SIGLEC1: variants seen among roughly 807,000 people sequenced by gnomAD.
SIGLEC1 encodes sialoadhesin.
In SIGLEC1, 132 loss-of-function variants were observed where a neutral mutation model predicts 148.0. That is an observed-to-expected ratio of 0.89 (90% CI 0.77 to 1.03). The LOEUF is 1.03. Ranked by LOEUF, SIGLEC1 falls within the 50% of genes least tolerant of loss-of-function variation. The probability of loss-of-function intolerance (pLI) is 0.00; values close to 1 mark genes in which losing one functional copy is unlikely to be tolerated. For missense variants in SIGLEC1, 2,253 were observed against 2,271.4 expected (o/e 0.99, Z 0.16); for synonymous variants, 945 against 969.0 (o/e 0.98, Z 0.46).
chr20:3,700,537 A>G (rs2146527315), intron 7 of SIGLEC1, among the ~76,000 whole-genome samples: 1 of 151,984 alleles, frequency 6.6e-6, no homozygotes, highest in East Asian at 1.9e-4. Context: ...TGAGCCATGA[A>G]CATACCATTG....
chr20:3,699,646 G>C (rs1264482931), intron 7 of SIGLEC1, among the ~76,000 whole-genome samples, 187 bp from the exon 8 acceptor site: 1 of 152,176 alleles, frequency 6.6e-6, no homozygotes, highest in Non-Finnish European at 1.5e-5. Flanking sequence ...GCTGCAGCAT[G>C]GTTGAAGATT....
intron 11 of SIGLEC1, among the ~76,000 whole-genome samples, chr20:3,696,106 G>T (rs1199398566): frequency 7.1e-6 from 1 of 140,760 alleles, no homozygotes; most frequent in African/African-American, 2.8e-5. Flanking sequence ...CCTGAGGGAG[G>T]ATTTTTATAG....
rs375168366 is a variant in SIGLEC1, at chr20:3,703,335, G to C, written c.1090C>G (p.His364Asp). The part of the protein sequence containing the change: ...SDLRYSWYKN[H>D]VLLEDAHSHT... ...GAGTGGGCATCCTCCAGCAGGACAT[G>C]GTTCTTGTACCAGCTGTAGCGGAGA... Residue 364 changes from histidine to aspartate, a missense_variant, in exon 6 of 22, where the codon CAT (histidine) becomes GAT (aspartate). Transcript: ENST00000344754. 2 of 1,614,036 alleles carry C rather than the reference G, an allele frequency of 1.2e-6. No homozygotes were observed. The highest frequency in any genetic ancestry group is 2.7e-5 in the African/African-American group (2 of 74,938).
intron 1 of SIGLEC1, among the ~76,000 whole-genome samples, chr20:3,708,457 G>T (rs1016110524): frequency 1.1e-4 from 17 of 152,136 alleles, no homozygotes; most frequent in Admixed American, 9.2e-4. Flanking sequence ...AAATAGGTAA[G>T]TTGGACTTCA....
intron 4 of SIGLEC1, 49 bp downstream of exon 4, chr20:3,705,695 G>T: frequency 6.5e-7 from 1 of 1,544,456 alleles, no homozygotes; most frequent in Non-Finnish European, 8.8e-7. Context: ...GTTTCTGTCA[G>T]GAGCAACAGA....
At chr20:3,689,488 G>T in intron 20 of SIGLEC1, 112 bp downstream of exon 20, 1 of 727,230 alleles carries the variant, frequency 1.4e-6, no homozygotes, top group Non-Finnish European at 2.3e-6. Context: ...CTGGGAAGTA[G>T]GCAGCCTGTG....
At chr20:3,692,327 T>A in intron 16 of SIGLEC1, 125 bp from the exon 17 acceptor site, 1 of 1,186,046 alleles carries the variant, frequency 8.4e-7, no homozygotes, top group Non-Finnish European at 1.2e-6. Flanking sequence ...AAGTGACACC[T>A]TCCCAGGAGT....
chr20:3,688,831 G>A (rs995832471), intron 21 of SIGLEC1: 3 of 596,874 alleles, frequency 5.0e-6, no homozygotes, highest in African/African-American at 1.9e-5. Context: ...CCAGGTGACG[G>A]GCAGGCTTGG....
At position 3,694,874 on chromosome 20, in the gene SIGLEC1, A is replaced by G; in HGVS notation, c.2733T>C (p.Ala911=). 6.2e-7 allele frequency: 1 copy of G among 1,613,224 alleles called. No individual in the cohort carries two copies. The change falls in exon 12 of 22, where the codon GCT becomes GCC. Residue 911 remains alanine, a synonymous_variant. Transcript: ENST00000344754. The stretch of plus-strand genomic sequence containing the variant: ...TGTGTACCTGGCAGCTCAGGACCAC[A>G]GCCTGGCCCTCTTGGAGCTCAGGTG... ...SPSPELQEGQ[A]VVLSCQVHTG...
At chr20:3,712,344 C>T (rs1251902053) in intron 1 of SIGLEC1, among the ~76,000 whole-genome samples, 126 bp downstream of exon 1, 4 of 149,122 alleles carry the variant, frequency 2.7e-5, no homozygotes, top group Non-Finnish European at 4.5e-5. Flanking sequence ...GTTTGGGGTC[C>T]ACCACTCGCA....
rs764428898 is a variant in SIGLEC1, at chr20:3,696,674, T to TTC, written c.2593_2594dup (p.Leu866AsnfsTer50). 1 of 1,613,810 alleles carries TTC rather than the reference T, an allele frequency of 6.2e-7. No individual in the cohort carries two copies. Among genetic ancestry groups the TTC allele is most frequent in the Admixed American group, 1.7e-5 (1 of 60,022 alleles). On this transcript the variant is annotated frameshift_variant, in exon 11 of 22. Transcript: ENST00000344754. LOFTEE classifies it high-confidence loss of function. ...AGCTGCCAGAGTCCCCAAGGCCCAG[T>TTC]TCTCGGACCTCTAACTTCAGGGAGT...
intron 1 of SIGLEC1, among the ~76,000 whole-genome samples, chr20:3,707,882 T>C (rs1389994259): frequency 1.3e-5 from 2 of 152,226 alleles, no homozygotes; most frequent in African/African-American, 4.8e-5. Flanking sequence ...GCTGAAACCT[T>C]ATTCAACCTT....
Position 3,697,303 on chromosome 20 carries a change from T to C in SIGLEC1, c.2162A>G (p.Glu721Gly). ...GCAAGTCAAGTTGGCTTCTGTGCCC[T>C]CCTGAAGTGTGTGTGATGGTGCAAT... The part of the protein sequence containing the change: ...LAIAPSHTLQ[E>G]GTEANLTCNV... The change falls in exon 10 of 22, where the codon GAG (glutamate) becomes GGG (glycine). Residue 721 changes from glutamate (E) to glycine (G), a missense_variant. Transcript: ENST00000344754. 6.2e-7 allele frequency: 1 copy of C among 1,613,840 alleles called. No individual in the cohort carries two copies. Among genetic ancestry groups the C allele is most frequent in the Non-Finnish European group, 8.5e-7 (1 of 1,179,998 alleles).
intron 4 of SIGLEC1, among the ~76,000 whole-genome samples, chr20:3,705,111 C>T (rs775750796): frequency 6.6e-6 from 1 of 152,206 alleles, no homozygotes; most frequent in African/African-American, 2.4e-5. Context: ...ATCCTAGTGC[C>T]TCAGCCTCCT....
At chr20:3,708,173 G>C (rs1289233255) in intron 1 of SIGLEC1, among the ~76,000 whole-genome samples, 1 of 152,170 alleles carries the variant, frequency 6.6e-6, no homozygotes, top group Non-Finnish European at 1.5e-5. Context: ...AGGTTTGAAA[G>C]GTAGCATGAG....
intron 6 of SIGLEC1, among the ~76,000 whole-genome samples, chr20:3,702,220 G>GA (rs1019906758): frequency 5.3e-5 from 8 of 151,872 alleles, no homozygotes; most frequent in African/African-American, 1.7e-4. Flanking sequence ...TTCTGGACCA[G>GA]AAAAAAAATG....
chr20:3,704,106 A>T lies in SIGLEC1; in HGVS notation c.707-15T>A. 1 of 1,608,086 alleles carries T rather than the reference A, an allele frequency of 6.2e-7. No homozygotes were observed. The highest frequency in any genetic ancestry group is 8.5e-7 in the Non-Finnish European group (1 of 1,177,046). ...CTTGGGGGCATCTGCAAGTCACAGT[A>T]GGGGGTATTGGGTAAGGTGCTTGGG... is the stretch of plus-strand genomic sequence containing the variant. On this transcript the variant is annotated splice_polypyrimidine_tract_variant and intron_variant, in intron 4 of 21. Coordinates refer to ENST00000344754, the MANE Select transcript of SIGLEC1 (RefSeq NM_023068.4).
At position 3,690,155 on chromosome 20, in the gene SIGLEC1, G is replaced by A. The variant is rs774462485; in HGVS notation, c.4701C>T (p.His1567=). 6.3e-7 allele frequency: 1 copy of A among 1,599,884 alleles called. No homozygotes were observed. The highest frequency in any genetic ancestry group is 1.1e-5 in the South Asian group (1 of 88,596). The part of the protein sequence containing the change: ...DSEPLASLTL[H]LGSRLVASSQ... ...TGGAGGCCACCAGTCGACTGCCAAG[G>A]TGGAGAGTCAGGCTGGCGAGCGGCT... Residue 1567 remains histidine (H), a synonymous_variant, in exon 19 of 22, where the codon CAC becomes CAT. Coordinates refer to ENST00000344754, the MANE Select transcript of SIGLEC1 (RefSeq NM_023068.4).
chr20:3,694,800 G>A lies in SIGLEC1; in HGVS notation c.2807C>T (p.Pro936Leu), dbSNP rs755136037. 6.2e-7 allele frequency: 1 copy of A among 1,613,640 alleles called. No individual in the cohort carries two copies. The highest frequency in any genetic ancestry group is 1.1e-5 in the South Asian group (1 of 91,088). ...CGTGGCCGAGGTCGACTCCTGGAGGGGCTGGCCATCCCGATACCAACGATA... is the reference window on the plus strand; with the variant it reads ...CGTGGCCGAGGTCGACTCCTGGAGGAGCTGGCCATCCCGATACCAACGATA... ...TSYRWYRDGQ[P>L]LQESTSATLR... Residue 936 changes from proline to leucine, a missense_variant, in exon 12 of 22, where the codon CCC becomes CTC. Physicochemically the swap from Pro to Leu is moderately conservative, Grantham distance 98. Coordinates refer to ENST00000344754, the MANE Select transcript of SIGLEC1 (RefSeq NM_023068.4).
Sources: allele counts gnomAD v4.1 joint callset (sites outside exome capture counted in the v4.1 genomes callset), GRCh38; gene constraint gnomAD v4.1.1; transcripts MANE v1.5; gene names NCBI Gene and HGNC (gene_info 2026-07-23, HGNC 2026-07-21).